PADI3: variants seen among roughly 807,000 people sequenced by gnomAD.
The protein encoded by PADI3 is peptidyl arginine deiminase 3.
A neutral mutation model predicts 71.5 loss-of-function variants in PADI3; 53 were observed. The observed-to-expected ratio is 0.74, with a 90% CI of 0.59 to 0.93. PADI3 has a LOEUF of 0.93. Ranked by LOEUF, PADI3 falls within the 40% of genes least tolerant of loss-of-function variation. The pLI is 0.00. For missense variants in PADI3, 821 were observed against 868.0 expected (o/e 0.95, Z 0.68); for synonymous variants, 361 against 347.5 (o/e 1.04, Z -0.43).
At chr1:17,276,427 A>T (rs2073330916) in intron 11 of PADI3, 92 bp from the exon 12 acceptor site, 1 of 1,298,342 alleles carries the variant, frequency 7.7e-7, no homozygotes. Flanking sequence ...TTTAAAAATC[A>T]GATATTGCAG....
intron 1 of PADI3, among the ~76,000 whole-genome samples, chr1:17,255,357 G>T (rs778753022): frequency 3.3e-5 from 5 of 152,196 alleles, no homozygotes; most frequent in African/African-American, 9.7e-5. Flanking sequence ...GGCTGGCTTG[G>T]GGGGTGTGGG....
chr1:17,250,108 C>T (rs1308704370), intron 1 of PADI3, among the ~76,000 whole-genome samples: 1 of 152,094 alleles, frequency 6.6e-6, no homozygotes, highest in African/African-American at 2.4e-5. Flanking sequence ...CTCTGGGGAC[C>T]ACCAGGGAGC....
chr1:17,266,698 G>T, intron 4 of PADI3, 21 bp from the exon 5 acceptor site: 1 of 1,601,314 alleles, frequency 6.2e-7, no homozygotes, highest in Middle Eastern at 1.7e-4. Flanking sequence ...CTCATCACTG[G>T]CTATGTTTTG....
chr1:17,276,657 TG>T lies in PADI3; in HGVS notation c.1449del (p.Lys484ArgfsTer72). Reference sequence around the variant, plus strand: ...TTCTGAGCTTTGTCCCTGCCCCCGATGGGAAGGTAAGAACTTCGTGCATGAC... The same window carrying T: ...TTCTGAGCTTTGTCCCTGCCCCCGATGGAAGGTAAGAACTTCGTGCATGAC... Reference protein sequence around the residue: ...EFLSFVPAPDGKGFRMLLASP... With the variant: ...EFLSFVPAPDXKGFRMLLASP... On this transcript the variant is annotated frameshift_variant, in exon 12 of 16. Transcript: ENST00000375460. LOFTEE classifies it high-confidence loss of function. 6.2e-7 allele frequency: 1 copy of T among 1,614,060 alleles called. No homozygotes were observed. The highest frequency in any genetic ancestry group is 8.5e-7 in the Non-Finnish European group (1 of 1,179,996).
At position 17,273,455 on chromosome 1, in the gene PADI3, G is replaced by C. The variant is rs1269133713; in HGVS notation, c.1155+8G>C. 1 of 1,596,280 alleles carries C rather than the reference G, an allele frequency of 6.3e-7. No individual in the cohort carries two copies. Among genetic ancestry groups the C allele is most frequent in the Non-Finnish European group, 8.6e-7 (1 of 1,164,868 alleles). Reference sequence around the variant, plus strand: ...CCTTACAAAAGAATCCTGGTGAGTGGTCCCGGCCGCAGCCCACCCCTGAGA... The same window carrying C: ...CCTTACAAAAGAATCCTGGTGAGTGCTCCCGGCCGCAGCCCACCCCTGAGA... On this transcript the variant is annotated splice_region_variant and intron_variant, in intron 10 of 15. Coordinates refer to ENST00000375460, the MANE Select transcript of PADI3 (RefSeq NM_016233.2).
intron 11 of PADI3, 94 bp from the exon 12 acceptor site, chr1:17,276,425 T>C: frequency 7.8e-7 from 1 of 1,286,966 alleles, no homozygotes; most frequent in Admixed American, 2.1e-5. Flanking sequence ...TTTTTAAAAA[T>C]CAGATATTGC....
Position 17,280,424 on chromosome 1 carries a change from G to T in PADI3, c.1630G>T (p.Val544Leu). 1 of 1,613,644 alleles carries T rather than the reference G, an allele frequency of 6.2e-7. No homozygotes were observed. Among genetic ancestry groups the T allele is most frequent in the Non-Finnish European group, 8.5e-7 (1 of 1,179,508 alleles). The change falls in exon 14 of 16, where the codon GTG (valine) becomes TTG (leucine). Residue 544 changes from valine to leucine, a missense_variant. Transcript: ENST00000375460. ...NKDLINYNKF[V>L]QSCIDWNREV... ...AGACCTCATCAACTACAATAAGTTTGTGCAGGTACAAGGGCTGTGGTGTAC... is the reference window on the plus strand; with the variant it reads ...AGACCTCATCAACTACAATAAGTTTTTGCAGGTACAAGGGCTGTGGTGTAC...
At chr1:17,265,212 T>G (rs1343743813) in intron 3 of PADI3, among the ~76,000 whole-genome samples, 1 of 151,978 alleles carries the variant, frequency 6.6e-6, no homozygotes, top group Non-Finnish European at 1.5e-5. Context: ...GGGGTGGGAT[T>G]TGGGGACTGC....
intron 15 of PADI3, among the ~76,000 whole-genome samples, chr1:17,281,597 C>T (rs1425081547): frequency 2.6e-5 from 4 of 152,010 alleles, no homozygotes; most frequent in African/African-American, 7.3e-5. Flanking sequence ...GGATTGCAGG[C>T]GTGCACCACC....
At chr1:17,280,451 T>C (rs978412408) in intron 14 of PADI3, 22 bp downstream of exon 14, 2 of 1,600,350 alleles carry the variant, frequency 1.2e-6, no homozygotes, top group Non-Finnish European at 1.7e-6. Flanking sequence ...GTGGTGTACC[T>C]GTGGGCTGTG....
intron 5 of PADI3, among the ~76,000 whole-genome samples, chr1:17,267,079 T>G (rs1331171562): frequency 6.6e-6 from 1 of 152,138 alleles, no homozygotes. Flanking sequence ...ACCTCGCCAT[T>G]CTCTTCCTCC....
intron 9 of PADI3, among the ~76,000 whole-genome samples, chr1:17,271,603 G>A (rs950580330): frequency 6.6e-6 from 1 of 151,998 alleles, no homozygotes; most frequent in Non-Finnish European, 1.5e-5. Flanking sequence ...AAACCTTGAT[G>A]TGCAGAATGA....
At chr1:17,280,839 A>G (rs2100605710) in intron 15 of PADI3, 43 bp downstream of exon 15, 2 of 1,608,438 alleles carry the variant, frequency 1.2e-6, no homozygotes, top group Non-Finnish European at 1.7e-6. Context: ...TCAGGCTGCA[A>G]ACCTCTAAGC....
chr1:17,274,916 C>T (rs565438732), intron 11 of PADI3, 130 bp downstream of exon 11: 9 of 980,532 alleles, frequency 9.2e-6, no homozygotes, highest in African/African-American at 3.2e-5. Context: ...ATTATACTCC[C>T]GGATGTGCTG....
At chr1:17,268,498 C>CTTTTTTTTTTTTTT (rs564947321) in intron 6 of PADI3, among the ~76,000 whole-genome samples, 2 of 89,416 alleles carry the variant, frequency 2.2e-5, no homozygotes, top group African/African-American at 9.4e-5. Context: ...TAATAAGATG[C>CTTTTTTTTTTTTTT]TTTTTTTTTT....
intron 13 of PADI3, among the ~76,000 whole-genome samples, chr1:17,279,242 A>G (rs1316698212): frequency 6.6e-6 from 1 of 152,202 alleles, no homozygotes; most frequent in Non-Finnish European, 1.5e-5. Flanking sequence ...ACATAGACAC[A>G]GAGGCCAGAC....
chr1:17,277,560 G>A (rs1439459977), intron 13 of PADI3, among the ~76,000 whole-genome samples: 1 of 152,226 alleles, frequency 6.6e-6, no homozygotes, highest in Non-Finnish European at 1.5e-5. Context: ...GGGGCTTGGA[G>A]CCTCTGCTCA....
At chr1:17,280,552 C>T in intron 14 of PADI3, 119 bp from the exon 15 acceptor site, 1 of 1,517,246 alleles carries the variant, frequency 6.6e-7, no homozygotes, top group Non-Finnish European at 9.1e-7. Flanking sequence ...CAGGCCCAGA[C>T]AGAGGGGTCC....
intron 14 of PADI3, 94 bp downstream of exon 14, chr1:17,280,523 A>C (rs917196837): frequency 6.7e-7 from 1 of 1,494,140 alleles, no homozygotes; most frequent in African/African-American, 1.4e-5. Context: ...CTAACTGTTC[A>C]TGAAAGCTCA....
Sources: gnomAD v4.1 joint callset for allele counts (sites outside exome capture counted in the v4.1 genomes callset) on GRCh38, gnomAD v4.1.1 for gene constraint, MANE v1.5 for transcripts, NCBI Gene and HGNC (gene_info 2026-07-23, HGNC 2026-07-21) for gene names.